The following SPIRE1 variants were observed in gnomAD, a reference collection of about 807,000 sequenced individuals.
SPIRE1 encodes the protein spire type actin nucleation factor 1.
Under a neutral mutation model 94.1 loss-of-function variants are expected in SPIRE1, and 40 were observed. The ratio of observed to expected loss-of-function variants is 0.43; its 90% confidence interval spans 0.33 to 0.55. The LOEUF (loss-of-function observed/expected upper bound fraction) is 0.55. Ranked by LOEUF, SPIRE1 falls within the 20% of genes least tolerant of loss-of-function variation. The pLI is 0.06. For synonymous variants in SPIRE1, 376 were observed against 371.7 expected (o/e 1.01, Z -0.13); for missense variants, 838 against 975.2 (o/e 0.86, Z 1.87).
At chr18:12,486,223 GA>G (rs2033034041) in intron 8 of SPIRE1, among the ~76,000 whole-genome samples, 1 of 151,952 alleles carries the variant, frequency 6.6e-6, no homozygotes, top group Non-Finnish European at 1.5e-5. Flanking sequence ...ACAATAAAAG[GA>G]AAAAGTAACT....
At chr18:12,639,758 T>A (rs1463642775) in intron 1 of SPIRE1, among the ~76,000 whole-genome samples, 9 of 143,054 alleles carry the variant, frequency 6.3e-5, no homozygotes, top group African/African-American at 2.3e-4. Context: ...TAAATAAAAA[T>A]AAAAAAAAGA....
At chr18:12,600,645 C>G (rs1456610908) in intron 2 of SPIRE1, among the ~76,000 whole-genome samples, 1 of 152,120 alleles carries the variant, frequency 6.6e-6, no homozygotes, top group Non-Finnish European at 1.5e-5. Context: ...CCTTTCTCCC[C>G]ATTTATTCAC....
At chr18:12,623,572 T>C (rs1480803478) in intron 2 of SPIRE1, among the ~76,000 whole-genome samples, 1 of 152,188 alleles carries the variant, frequency 6.6e-6, no homozygotes, top group Non-Finnish European at 1.5e-5. Context: ...AAAATACTGG[T>C]TTTATTTTAT....
intron 2 of SPIRE1, among the ~76,000 whole-genome samples, chr18:12,558,372 A>T (rs2035581258): frequency 6.6e-6 from 1 of 152,104 alleles, no homozygotes; most frequent in Admixed American, 6.5e-5. Flanking sequence ...TTTCGTGGTG[A>T]GTGTTACAGC....
intron 2 of SPIRE1, among the ~76,000 whole-genome samples, chr18:12,582,298 G>A (rs2036276549): frequency 6.6e-6 from 1 of 152,116 alleles, no homozygotes; most frequent in Non-Finnish European, 1.5e-5. Flanking sequence ...TCAGAAAACT[G>A]TCTCTTGTAG....
intron 2 of SPIRE1, among the ~76,000 whole-genome samples, chr18:12,558,891 G>A (rs949614204): frequency 1.3e-5 from 2 of 152,206 alleles, no homozygotes; most frequent in African/African-American, 4.8e-5. Context: ...GCTAGACACA[G>A]AGTGCTGATT....
intron 1 of SPIRE1, among the ~76,000 whole-genome samples, chr18:12,648,878 G>C (rs1167319724): frequency 1.1e-5 from 1 of 89,400 alleles, no homozygotes; most frequent in Admixed American, 1.8e-4. Context: ...CAAGAAGAGC[G>C]AAACTCCGTC....
At chr18:12,596,464 A>C (rs183771189) in intron 2 of SPIRE1, among the ~76,000 whole-genome samples, 28 of 152,324 alleles carry the variant, frequency 1.8e-4, no homozygotes, top group Non-Finnish European at 2.9e-4. Context: ...TTGAGTACTT[A>C]AACCTCTATT....
chr18:12,533,964 CACACAA>C (rs1400392563), intron 4 of SPIRE1, among the ~76,000 whole-genome samples: 1 of 151,420 alleles, frequency 6.6e-6, no homozygotes, highest in Non-Finnish European at 1.5e-5. Flanking sequence ...CACACACACA[CACACAA>C]CTTATTTATT....
At chr18:12,505,152 G>C (rs1015854697) in intron 6 of SPIRE1, among the ~76,000 whole-genome samples, 5 of 152,176 alleles carry the variant, frequency 3.3e-5, no homozygotes, top group Non-Finnish European at 1.5e-5. Context: ...CTACTTGGTT[G>C]TTTTTGGGAA....
chr18:12,641,544 T>G (rs1221880295), intron 1 of SPIRE1, among the ~76,000 whole-genome samples: 1 of 151,494 alleles, frequency 6.6e-6, no homozygotes, highest in Non-Finnish European at 1.5e-5. Context: ...AATGTTTGTA[T>G]TTTTAGTAGA....
intron 4 of SPIRE1, chr18:12,516,253 C>T (rs1166766402): frequency 6.6e-6 from 1 of 152,184 alleles, no homozygotes; most frequent in African/African-American, 2.4e-5. Context: ...TACCTCACTT[C>T]CTATTTACAA....
intron 4 of SPIRE1, among the ~76,000 whole-genome samples, chr18:12,525,293 A>ATAAT (rs1402269279): frequency 1.4e-5 from 2 of 144,142 alleles, no homozygotes; most frequent in African/African-American, 5.1e-5. Context: ...AAAAAAAAAA[A>ATAAT]AAAAATAATA....
At chr18:12,522,655 T>C (rs941730225) in intron 4 of SPIRE1, among the ~76,000 whole-genome samples, 2 of 152,194 alleles carry the variant, frequency 1.3e-5, no homozygotes, top group Admixed American at 6.5e-5. Flanking sequence ...ACTCTCTTGT[T>C]AGGGGCTAAT....
intron 5 of SPIRE1, among the ~76,000 whole-genome samples, chr18:12,509,811 G>A (rs79707200): frequency 3.3e-5 from 5 of 152,168 alleles, no homozygotes; most frequent in East Asian, 1.9e-4. Context: ...AGCTGGGTGC[G>A]GAGGCTCATA....
chr18:12,626,886 A>ATATATATATATTT lies in SPIRE1; in HGVS notation c.372+8175_372+8176insAAATATATATATA, dbSNP rs55915333. ...CTGTAAAATATATATATATATATAT[A>ATATATATATATTT]TTTTTTTTTTTTTTTTGCCCAGAGG... is the stretch of plus-strand genomic sequence containing the variant. On this transcript the variant is annotated intron_variant, in intron 2 of 16. Coordinates refer to ENST00000409402, the MANE Select transcript of SPIRE1 (RefSeq NM_001128626.2). 9.8e-5 allele frequency among the ~76,000 whole-genome samples: 11 copies of ATATATATATATTT among 111,896 alleles called. No individual in the cohort carries two copies. In the South Asian group the frequency reaches 2.7e-3, roughly 28 times the overall value. The allele number at this position is 111,896 out of a possible 152,430, so 73.4% of individuals were successfully genotyped here. A position where few individuals can be genotyped will look rare whatever the true frequency, so the allele number is the denominator to read the frequency against.
At chr18:12,450,046 T>A (rs1380078611) in intron 16 of SPIRE1, 150 bp from the exon 17 acceptor site, 1 of 883,156 alleles carries the variant, frequency 1.1e-6, no homozygotes, top group African/African-American at 1.7e-5. Context: ...AAAAAATTTC[T>A]TATTGGTGAC....
intron 2 of SPIRE1, among the ~76,000 whole-genome samples, chr18:12,596,324 C>T (rs2036670816): frequency 6.6e-6 from 1 of 152,174 alleles, no homozygotes; most frequent in Non-Finnish European, 1.5e-5. Flanking sequence ...GAAACACTTG[C>T]TTTAATTTCC....
chr18:12,650,289 T>C (rs1268466896), intron 1 of SPIRE1, among the ~76,000 whole-genome samples: 1 of 152,034 alleles, frequency 6.6e-6, no homozygotes, highest in Non-Finnish European at 1.5e-5. Flanking sequence ...CCAGGCATGG[T>C]GGCTCATGCC....
Sources: gnomAD v4.1 joint callset for allele counts (sites outside exome capture counted in the v4.1 genomes callset) on GRCh38, gnomAD v4.1.1 for gene constraint, MANE v1.5 for transcripts, NCBI Gene and HGNC (gene_info 2026-07-23, HGNC 2026-07-21) for gene names.